The following PUM3 variants were observed in gnomAD, a reference collection of about 807,000 sequenced individuals.
The protein encoded by PUM3 is pumilio homolog 3.
Under a neutral mutation model 84.0 loss-of-function variants are expected in PUM3, and 91 were observed. The observed-to-expected ratio is 1.08, with a 90% CI of 0.91 to 1.29. The LOEUF (loss-of-function observed/expected upper bound fraction) is 1.29, where lower values mean the gene tolerates loss of function less well. Ranked by LOEUF, PUM3 falls within the 50% of genes most tolerant of loss-of-function variation. PUM3 has a pLI of 0.00. For synonymous variants in PUM3, 321 were observed against 266.7 expected (o/e 1.20, Z -1.98); for missense variants, 1,067 against 767.5 (o/e 1.39, Z -4.61).
At chr9:2,804,872 G>C (rs1331290799) in intron 17 of PUM3, among the ~76,000 whole-genome samples, 2 of 152,178 alleles carry the variant, frequency 1.3e-5, no homozygotes, top group African/African-American at 4.8e-5. Flanking sequence ...TTACAGAGCA[G>C]ACAGCCAAAA....
At chr9:2,843,183 T>A (rs1251545634) in intron 1 of PUM3, among the ~76,000 whole-genome samples, 2 of 152,120 alleles carry the variant, frequency 1.3e-5, no homozygotes, top group Admixed American at 1.3e-4. Flanking sequence ...AAATTCCCCA[T>A]CATGACCTTC....
intron 1 of PUM3, among the ~76,000 whole-genome samples, chr9:2,839,261 C>T (rs1431424807): frequency 1.3e-5 from 2 of 152,182 alleles, no homozygotes; most frequent in East Asian, 3.9e-4. Context: ...AGCCATTTGG[C>T]TCATTTCTCC....
chr9:2,812,205 T>C lies in PUM3; in HGVS notation c.1412+15A>G, dbSNP rs765651316. On this transcript the variant is annotated intron_variant, in intron 14 of 17. Transcript: ENST00000397885. ...CAGAGGAATAAAGAAGTCAAGCCATTCTACTTGGTTTTACCTGTGTGCATT... is the reference window on the plus strand; with the variant it reads ...CAGAGGAATAAAGAAGTCAAGCCATCCTACTTGGTTTTACCTGTGTGCATT... The C allele has an allele frequency of 6.2e-7, 1 of 1,611,038 alleles. No individual in the cohort carries two copies. Among genetic ancestry groups the C allele is most frequent in the South Asian group, 1.1e-5 (1 of 90,936 alleles).
At chr9:2,811,966 G>A (rs1004021145) in intron 14 of PUM3, among the ~76,000 whole-genome samples, 3 of 151,946 alleles carry the variant, frequency 2.0e-5, no homozygotes, top group Non-Finnish European at 4.4e-5. Context: ...TGAAAATAAA[G>A]CAAAATAAAA....
At chr9:2,832,758 T>C (rs1816018978) in intron 5 of PUM3, among the ~76,000 whole-genome samples, 2 of 152,204 alleles carry the variant, frequency 1.3e-5, no homozygotes, top group South Asian at 2.1e-4. Flanking sequence ...GACCTATGCA[T>C]CTGACTTGAC....
At chr9:2,827,027 GCTC>G in intron 10 of PUM3, 43 bp downstream of exon 10, 1 of 1,462,922 alleles carries the variant, frequency 6.8e-7, no homozygotes, top group Non-Finnish European at 9.5e-7. Flanking sequence ...TTTCTACACC[GCTC>G]CTCCTCCATG....
intron 6 of PUM3, 98 bp from the exon 7 acceptor site, chr9:2,831,126 C>T: frequency 2.0e-6 from 2 of 988,056 alleles, no homozygotes; most frequent in Admixed American, 2.6e-5. Flanking sequence ...AAAATAAAAA[C>T]AAAAAAGGAT....
chr9:2,822,807 G>C (rs1221202123), intron 12 of PUM3, among the ~76,000 whole-genome samples: 1 of 148,840 alleles, frequency 6.7e-6, no homozygotes, highest in African/African-American at 2.5e-5. Flanking sequence ...TATGAATATT[G>C]AATTATGAAT....
intron 12 of PUM3, among the ~76,000 whole-genome samples, chr9:2,821,393 C>G (rs1168466222): frequency 1.5e-5 from 2 of 134,504 alleles, no homozygotes; most frequent in Non-Finnish European, 3.1e-5. Flanking sequence ...GCAGTGAGCC[C>G]AGATCGCGCC....
In PUM3 at chr9:2,828,696, ATCTGTTT is replaced by A; in HGVS notation, c.928_934del (p.Lys310PhefsTer2). The stretch of plus-strand genomic sequence containing the variant: ...TTACTTTTGGGCCATTGGAGTTAGA[ATCTGTTT>A]CATTTCATCCATAATAAGTTCTAAT... On this transcript the variant is annotated frameshift_variant, in exon 9 of 18. Transcript: ENST00000397885. LOFTEE classifies it high-confidence loss of function. 1 of 1,599,110 alleles carries A rather than the reference ATCTGTTT, an allele frequency of 6.3e-7. No homozygotes were observed. The highest frequency in any genetic ancestry group is 8.6e-7 in the Non-Finnish European group (1 of 1,166,658).
intron 11 of PUM3, among the ~76,000 whole-genome samples, chr9:2,824,280 T>C (rs1586723484): frequency 6.6e-6 from 1 of 152,342 alleles, no homozygotes; most frequent in East Asian, 1.9e-4. Context: ...TGATAATTTC[T>C]GTTAAACTTC....
At chr9:2,804,527 C>G in intron 17 of PUM3, 64 bp from the exon 18 acceptor site, 2 of 1,473,862 alleles carry the variant, frequency 1.4e-6, no homozygotes, top group East Asian at 2.3e-5. Context: ...ACTACCTGTA[C>G]CAACAGTAAA....
At position 2,807,211 on chromosome 9, in the gene PUM3, A is replaced by C. The variant is rs182835447; in HGVS notation, c.1814+603T>G. On this transcript the variant is annotated intron_variant, in intron 17 of 17. Coordinates refer to ENST00000397885, the MANE Select transcript of PUM3 (RefSeq NM_014878.5). ...CGACAGTGTGAGACTCCATCTCAAA[A>C]AAAAAAAATTATGTTTTGGTCAAAA... 1.5e-3 allele frequency among the ~76,000 whole-genome samples: 224 copies of C among 151,796 alleles called. 1 individual carries two copies. The highest frequency in any genetic ancestry group is 3.4e-3 in the Middle Eastern group (1 of 294).
intron 13 of PUM3, among the ~76,000 whole-genome samples, chr9:2,817,989 T>C (rs1821506067): frequency 6.6e-6 from 1 of 152,176 alleles, no homozygotes; most frequent in Non-Finnish European, 1.5e-5. Flanking sequence ...AGGAAAGTAG[T>C]AAGAAAGAGC....
At chr9:2,835,451 A>G (rs1304118090) in intron 3 of PUM3, among the ~76,000 whole-genome samples, 12 of 152,162 alleles carry the variant, frequency 7.9e-5, no homozygotes, top group Non-Finnish European at 1.5e-5. Flanking sequence ...CCTTCACTCA[A>G]TATGATTAGA....
intron 15 of PUM3, among the ~76,000 whole-genome samples, chr9:2,810,991 A>C (rs140643290): frequency 3.4e-4 from 52 of 152,330 alleles, no homozygotes; most frequent in Middle Eastern, 3.4e-3. Context: ...GTCTCCTTAT[A>C]GAGAAACTTT....
At chr9:2,810,511 T>A in intron 15 of PUM3, 80 bp from the exon 16 acceptor site, 1 of 959,120 alleles carries the variant, frequency 1.0e-6, no homozygotes, top group Non-Finnish European at 1.6e-6. Flanking sequence ...ATACTATTTA[T>A]GCCACCACAT....
intron 5 of PUM3, 36 bp downstream of exon 5, chr9:2,833,321 T>C (rs777832197): frequency 8.8e-6 from 10 of 1,136,796 alleles, no homozygotes; most frequent in Non-Finnish European, 1.3e-5. Flanking sequence ...CAACTTCAAC[T>C]GTTAAAAATT....
chr9:2,836,738 G>T (rs1325814099), intron 3 of PUM3, among the ~76,000 whole-genome samples: 2 of 152,114 alleles, frequency 1.3e-5, no homozygotes, highest in Non-Finnish European at 2.9e-5. Flanking sequence ...GCTGGGGACA[G>T]ACTGATTCTT....
Sources: allele counts gnomAD v4.1 joint callset (sites outside exome capture counted in the v4.1 genomes callset), GRCh38; gene constraint gnomAD v4.1.1; transcripts MANE v1.5; gene names NCBI Gene and HGNC (gene_info 2026-07-23, HGNC 2026-07-21).